The following HS3ST4 variants were observed in gnomAD, a reference collection of about 807,000 sequenced individuals.
HS3ST4 encodes the protein heparan sulfate glucosamine 3-O-sulfotransferase 4.
HS3ST4 carries 17 observed loss-of-function variants against 29.2 expected under a neutral mutation model. The ratio of observed to expected loss-of-function variants is 0.58; its 90% confidence interval spans 0.40 to 0.87. The LOEUF (loss-of-function observed/expected upper bound fraction) is 0.87. HS3ST4 is among the 40% of genes least tolerant of loss of function. HS3ST4 has a pLI of 0.00. For missense variants in HS3ST4, 627 were observed against 634.5 expected (o/e 0.99, Z 0.13); for synonymous variants, 314 against 285.7 (o/e 1.10, Z -1.00).
chr16:25,741,908 A>C (rs1042650916), intron 1 of HS3ST4, among the ~76,000 whole-genome samples: 3 of 152,162 alleles, frequency 2.0e-5, no homozygotes, highest in Non-Finnish European at 4.4e-5. Context: ...TTAATTGCTA[A>C]GTGGATAGGG....
At chr16:25,705,978 C>A (rs1966373302) in intron 1 of HS3ST4, among the ~76,000 whole-genome samples, 1 of 152,134 alleles carries the variant, frequency 6.6e-6, no homozygotes, top group Non-Finnish European at 1.5e-5. Context: ...ATGTTGCAGT[C>A]CAGGGAGTAC....
At chr16:25,720,881 G>A (rs576299435) in intron 1 of HS3ST4, among the ~76,000 whole-genome samples, 1 of 152,302 alleles carries the variant, frequency 6.6e-6, no homozygotes, top group African/African-American at 2.4e-5. Context: ...GTGGACAGTT[G>A]GATGAACAAG....
At chr16:25,864,854 A>G (rs1312890194) in intron 1 of HS3ST4, among the ~76,000 whole-genome samples, 1 of 151,148 alleles carries the variant, frequency 6.6e-6, no homozygotes, top group East Asian at 1.9e-4. Context: ...TTGTGTGTAT[A>G]TATGCAATCC....
At chr16:25,730,485 TCTTTC>T (rs1966563916) in intron 1 of HS3ST4, among the ~76,000 whole-genome samples, 1 of 142,386 alleles carries the variant, frequency 7.0e-6, no homozygotes, top group South Asian at 2.5e-4. Context: ...CTTCCTTCCT[TCTTTC>T]CTTCTCTTTT....
intron 1 of HS3ST4, among the ~76,000 whole-genome samples, chr16:26,066,772 T>C (rs1379952715): frequency 6.6e-6 from 1 of 152,212 alleles, no homozygotes; most frequent in African/African-American, 2.4e-5. Context: ...ATTTCTTGCA[T>C]CTCACTTTAG....
At chr16:25,821,508 A>G (rs1285178484) in intron 1 of HS3ST4, among the ~76,000 whole-genome samples, 1 of 152,190 alleles carries the variant, frequency 6.6e-6, no homozygotes, top group Non-Finnish European at 1.5e-5. Flanking sequence ...GTCTGTTGCA[A>G]TAGCTTTTCC....
rs540491290 is a variant in HS3ST4 at position 25,968,019 on chromosome 16, T to G, written c.735-167593T>G. On this transcript the variant is annotated intron_variant, in intron 1 of 1. Coordinates refer to ENST00000331351, the MANE Select transcript of HS3ST4 (RefSeq NM_006040.3). ...AATGATCAAAATATGTGAAGGGTTG[T>G]CATGGGGGAGAGGGATTATTCTCTC... 2.0e-5 allele frequency among the ~76,000 whole-genome samples: 3 copies of G among 152,232 alleles called. No homozygotes were observed. The South Asian group carries it at 6.2e-4, about 32-fold the overall frequency.
chr16:26,001,874 A>G (rs775266373), intron 1 of HS3ST4, among the ~76,000 whole-genome samples: 1 of 152,156 alleles, frequency 6.6e-6, no homozygotes, highest in African/African-American at 2.4e-5. Flanking sequence ...GGGTATTGCA[A>G]TAGCTCAACC....
chr16:25,981,059 A>G (rs1410825763), intron 1 of HS3ST4, among the ~76,000 whole-genome samples: 2 of 152,082 alleles, frequency 1.3e-5, no homozygotes, highest in Non-Finnish European at 2.9e-5. Context: ...AGGGTTCCAT[A>G]AAGAAGGTAG....
chr16:26,049,331 G>A (rs1443766249), intron 1 of HS3ST4, among the ~76,000 whole-genome samples: 3 of 86,390 alleles, frequency 3.5e-5, no homozygotes, highest in African/African-American at 7.4e-5. Flanking sequence ...TGGGAAGTCC[G>A]GAGGTCTACA....
At chr16:25,848,710 T>C (rs1567254543) in intron 1 of HS3ST4, among the ~76,000 whole-genome samples, 1 of 152,138 alleles carries the variant, frequency 6.6e-6, no homozygotes, top group African/African-American at 2.4e-5. Flanking sequence ...AGCTAGCTTT[T>C]AGTTTCATTG....
intron 1 of HS3ST4, among the ~76,000 whole-genome samples, chr16:26,019,184 A>T (rs970342369): frequency 6.6e-6 from 1 of 151,870 alleles, no homozygotes; most frequent in Non-Finnish European, 1.5e-5. Flanking sequence ...CCCTGCTTCC[A>T]AACAGTGATA....
At chr16:26,053,450 G>T (rs2083652894) in intron 1 of HS3ST4, among the ~76,000 whole-genome samples, 1 of 152,152 alleles carries the variant, frequency 6.6e-6, no homozygotes, top group South Asian at 2.1e-4. Flanking sequence ...GAGGAAAAAA[G>T]CAGTTCCTAT....
At chr16:25,719,224 G>C (rs73524749) in intron 1 of HS3ST4, among the ~76,000 whole-genome samples, 1 of 152,218 alleles carries the variant, frequency 6.6e-6, no homozygotes, top group African/African-American at 2.4e-5. Context: ...TCAGGAAGTT[G>C]CTGGGGCAAA....
In HS3ST4 at chr16:26,103,703, C is replaced by T. The variant is rs1175715198; in HGVS notation, c.735-31909C>T. ...GCTTAATTAATCTAACACTATTTTG[C>T]CCAGTGATAAATTTAGTTAACGACC... On this transcript the variant is annotated intron_variant, in intron 1 of 1. Coordinates refer to ENST00000331351, the MANE Select transcript of HS3ST4 (RefSeq NM_006040.3). Among the ~76,000 whole-genome samples the T allele has an allele frequency of 3.3e-5, 5 of 152,250 alleles. No individual in the cohort carries two copies. The East Asian group carries it at 9.6e-4, about 29-fold the overall frequency.
chr16:26,081,171 C>T (rs1898719170), intron 1 of HS3ST4, among the ~76,000 whole-genome samples: 1 of 151,790 alleles, frequency 6.6e-6, no homozygotes, highest in Non-Finnish European at 1.5e-5. Flanking sequence ...CCTGTAGTCC[C>T]AGCTATTTGG....
intron 1 of HS3ST4, among the ~76,000 whole-genome samples, chr16:25,769,331 C>T (rs1966839165): frequency 6.6e-6 from 1 of 151,976 alleles, no homozygotes; most frequent in Non-Finnish European, 1.5e-5. Context: ...CCTCTTCATC[C>T]CTCTCTCTTT....
chr16:25,750,254 C>G (rs973390775), intron 1 of HS3ST4, among the ~76,000 whole-genome samples: 5 of 152,140 alleles, frequency 3.3e-5, no homozygotes, highest in Admixed American at 2.0e-4. Context: ...TCAGAGTAGT[C>G]CAACTTCTTA....
At chr16:26,104,011 A>T (rs1899020176) in intron 1 of HS3ST4, among the ~76,000 whole-genome samples, 1 of 152,228 alleles carries the variant, frequency 6.6e-6, no homozygotes, top group Non-Finnish European at 1.5e-5. Context: ...CTATGATGCC[A>T]TAAAAATGTT....
Sources: allele counts gnomAD v4.1 joint callset (sites outside exome capture counted in the v4.1 genomes callset), GRCh38; gene constraint gnomAD v4.1.1; transcripts MANE v1.5; gene names NCBI Gene and HGNC (gene_info 2026-07-23, HGNC 2026-07-21).